The following ICAM3 variants were observed in gnomAD, a reference collection of about 807,000 sequenced individuals.
The protein encoded by ICAM3 is intercellular adhesion molecule 3.
In ICAM3, 54 loss-of-function variants were observed where a neutral mutation model predicts 43.6. The ratio of observed to expected loss-of-function variants is 1.24; its 90% CI spans 0.99 to 1.55. The LOEUF is 1.55. Ranked by LOEUF, ICAM3 falls within the 40% of genes most tolerant of loss-of-function variation. ICAM3 has a pLI of 0.00. For synonymous variants in ICAM3, 306 were observed against 312.6 expected (o/e 0.98, Z 0.22); for missense variants, 715 against 717.9 (o/e 1.00, Z 0.05).
rs2040584602 is a variant in ICAM3, at chr19:10,335,338, G to T, written c.665C>A (p.Pro222His). The change falls in exon 4 of 7, where the codon CCC becomes CAC. Residue 222 changes from proline (P) to histidine (H), a missense_variant. Transcript: ENST00000160262. ...QLRTFVLPVT[P>H]PRLVAPRFLE... The stretch of plus-strand genomic sequence containing the variant: ...GAACCGGGGGGCCACGAGGCGCGGG[G>T]GGGTCACGGGCAGGACTGGGGAGAA... 1.9e-6 allele frequency: 3 copies of T among 1,608,172 alleles called. No individual in the cohort carries two copies. The highest frequency in any genetic ancestry group is 1.3e-5 in the African/African-American group (1 of 74,876).
rs1347786288 is a variant in ICAM3 at position 10,334,218 on chromosome 19, C to CT, written c.1382dup (p.Cys462ValfsTer19). ...TGCCTCGTGAGCTGGACGCTTGGCA[C>CT]TGATAAGTACCATTATGTGTTACGT... On this transcript the variant is annotated frameshift_variant, in exon 6 of 7. Transcript: ENST00000160262. LOFTEE classifies it high-confidence loss of function. The surrounding 1 kb of genome is among the most constrained non-coding windows in gnomAD (Gnocchi z 5.5). The CT allele has an allele frequency of 3.7e-6, 6 of 1,613,996 alleles. No homozygotes were observed. The highest frequency in any genetic ancestry group is 4.2e-6 in the Non-Finnish European group (5 of 1,180,036).
chr19:10,337,092 A>G (rs2088769232), intron 2 of ICAM3, among the ~76,000 whole-genome samples: 1 of 151,754 alleles, frequency 6.6e-6, no homozygotes, highest in Non-Finnish European at 1.5e-5. Context: ...CATGGGGGAC[A>G]ATAGCAAGAC....
intron 3 of ICAM3, 35 bp downstream of exon 3, chr19:10,335,636 G>C: frequency 1.9e-6 from 3 of 1,556,236 alleles, no homozygotes; most frequent in Non-Finnish European, 2.6e-6. Context: ...CCCTGGCTCA[G>C]CTCGTCACCC....
Position 10,338,940 on chromosome 19 carries a change from C to T in ICAM3, c.85G>A (p.Gly29Arg), listed in dbSNP as rs755125488. 4.3e-6 allele frequency: 7 copies of T among 1,613,778 alleles called. No individual in the cohort carries two copies. The highest frequency in any genetic ancestry group is 1.3e-5 in the African/African-American group (1 of 75,020). The part of the protein sequence containing the change: ...VCCLLTPGVQ[G>R]QEFLLRVEPQ... ...TCCACCCGCAAAAGGAACTCCTGCC[C>T]CTGGACACCTTCAGGAACATGAAGA... The change falls in exon 2 of 7, where the codon GGG (glycine) becomes AGG (arginine). Residue 29 changes from glycine (G) to arginine (R), a missense_variant. Gly to Arg is a moderately radical substitution (Grantham distance 125). Transcript: ENST00000160262.
chr19:10,336,828 G>T (rs182001292), intron 2 of ICAM3, among the ~76,000 whole-genome samples: 198 of 126,202 alleles, frequency 1.6e-3, no homozygotes, highest in Non-Finnish European at 2.7e-3. Flanking sequence ...AAAAAAAAAA[G>T]GCTGGGCAAG....
chr19:10,335,019 G>T (rs765225612), intron 4 of ICAM3, 47 bp downstream of exon 4: 2 of 1,575,158 alleles, frequency 1.3e-6, no homozygotes, highest in Non-Finnish European at 1.7e-6. Flanking sequence ...CCTCTGCCAC[G>T]CCCCCAGACT....
chr19:10,338,835 C>T lies in ICAM3; in HGVS notation c.190G>A (p.Ala64Thr), dbSNP rs757776655. The T allele has an allele frequency of 1.2e-5, 20 of 1,614,012 alleles. No individual in the cohort carries two copies. Among genetic ancestry groups the T allele is most frequent in the East Asian group, 4.5e-5 (2 of 44,894 alleles). ...STDCPSSEKIALETSLSKELV... is the reference protein window; with the variant it reads ...STDCPSSEKITLETSLSKELV... Reference sequence around the variant, plus strand: ...TCCTTTGATAGGGACGTCTCCAAGGCGATTTTCTCAGAGCTGGGACAATCA... The same window carrying T: ...TCCTTTGATAGGGACGTCTCCAAGGTGATTTTCTCAGAGCTGGGACAATCA... The change falls in exon 2 of 7, where the codon GCC (alanine) becomes ACC (threonine). Residue 64 changes from alanine to threonine, a missense_variant. By Grantham distance (58) the Ala-to-Thr change is moderately conservative (BLOSUM62 0). Coordinates refer to ENST00000160262, the MANE Select transcript of ICAM3 (RefSeq NM_002162.5).
At chr19:10,336,257 T>G in intron 2 of ICAM3, 3 of 446,696 alleles carry the variant, frequency 6.7e-6, no homozygotes. Context: ...GATGAACGTT[T>G]ATGACTATGA....
At chr19:10,335,415 T>C in intron 3 of ICAM3, 62 bp from the exon 4 acceptor site, 1 of 1,419,490 alleles carries the variant, frequency 7.0e-7, no homozygotes, top group South Asian at 1.3e-5. Flanking sequence ...GACACCCTCA[T>C]CCCCCCCAGT....
intron 2 of ICAM3, among the ~76,000 whole-genome samples, chr19:10,337,278 G>A (rs1467585922): frequency 2.7e-5 from 4 of 149,384 alleles, no homozygotes; most frequent in Admixed American, 6.7e-5. Flanking sequence ...TTAGCTGGGC[G>A]TGTTGGCATG....
At chr19:10,335,376 T>C in intron 3 of ICAM3, 23 bp from the exon 4 acceptor site, 1 of 1,566,954 alleles carries the variant, frequency 6.4e-7, no homozygotes. Context: ...GTGGGCATAG[T>C]ACAACCCCCA....
At chr19:10,338,214 G>A (rs2145102968) in intron 2 of ICAM3, among the ~76,000 whole-genome samples, 1 of 152,154 alleles carries the variant, frequency 6.6e-6, no homozygotes, top group African/African-American at 2.4e-5. Context: ...GACCAGACTG[G>A]CCAACATGGT....
Position 10,335,159 on chromosome 19 carries a change from C to G in ICAM3, c.844G>C (p.Ala282Pro), listed in dbSNP as rs2145096002. ...DTLTATATAT[A>P]RADQEGAREI... is the part of the protein sequence containing the mutation. ...CGGGCACCCTCCTGATCCGCGCGCG[C>G]CGTGGCTGTGGCTGTGGCCGTTAGC... The change falls in exon 4 of 7, where the codon GCG becomes CCG. Residue 282 changes from alanine to proline, a missense_variant. Ala to Pro is a conservative substitution (Grantham distance 27). Transcript: ENST00000160262. 1 of 1,613,766 alleles carries G rather than the reference C, an allele frequency of 6.2e-7. No homozygotes were observed. Among genetic ancestry groups the G allele is most frequent in the African/African-American group, 1.3e-5 (1 of 75,032 alleles).
Position 10,334,548 on chromosome 19 carries a change from C to G in ICAM3, c.1172G>C (p.Ser391Thr). 1 of 1,612,428 alleles carries G rather than the reference C, an allele frequency of 6.2e-7. No individual in the cohort carries two copies. Among genetic ancestry groups the G allele is most frequent in the Non-Finnish European group, 8.5e-7 (1 of 1,179,000 alleles). Residue 391 changes from serine to threonine, a missense_variant, in exon 5 of 7, where the codon AGC becomes ACC. Coordinates refer to ENST00000160262, the MANE Select transcript of ICAM3 (RefSeq NM_002162.5). The surrounding 1 kb of genome is among the most constrained non-coding windows in gnomAD (Gnocchi z 5.5). ...VDGEFLHRNS[S>T]VQLRVLYGPK... ...CTCACACAGGACTCGCAGCTGGACG[C>G]TACTGTTCCTGTGCAAGAACTCGCC... is the stretch of plus-strand genomic sequence containing the variant.
rs2040553312 is a variant in ICAM3 at position 10,334,092 on chromosome 19, C to T, written c.1442-33G>A. The T allele has an allele frequency of 1.2e-6, 2 of 1,611,266 alleles. No individual in the cohort carries two copies. The highest frequency in any genetic ancestry group is 1.3e-5 in the African/African-American group (1 of 74,818). On this transcript the variant is annotated intron_variant, in intron 6 of 6. Coordinates refer to ENST00000160262, the MANE Select transcript of ICAM3 (RefSeq NM_002162.5). This position sits in a 1 kb window ranked among gnomAD's most constrained non-coding sequence, Gnocchi z 5.5. The stretch of plus-strand genomic sequence containing the variant: ...GAGAAAGCGCTAAGTCAATATGCGT[C>T]CCTTCTGTCTCCAACCCCCCCGCCC...
intron 3 of ICAM3, 123 bp from the exon 4 acceptor site, chr19:10,335,476 G>A: frequency 8.8e-7 from 1 of 1,137,256 alleles, no homozygotes; most frequent in Non-Finnish European, 1.2e-6. Context: ...ACACACACAG[G>A]GCCATGAAAA....
Position 10,335,317 on chromosome 19 carries a change from CG to C in ICAM3, c.685del (p.Arg229GlyfsTer15). On this transcript the variant is annotated frameshift_variant, in exon 4 of 7. Transcript: ENST00000160262. LOFTEE classifies it high-confidence loss of function. ...CCACGACGTTTCCACCTCCAAGAAC[CG>C]GGGGGCCACGAGGCGCGGGGGGGTC... ...PVTPPRLVAP[R>X]FLEVETSWPV... 3.7e-6 allele frequency: 6 copies of C among 1,611,676 alleles called. No homozygotes were observed. The highest frequency in any genetic ancestry group is 3.4e-6 in the Non-Finnish European group (4 of 1,179,750).
Position 10,335,799 on chromosome 19 carries a change from G to A in ICAM3, c.521C>T (p.Thr174Ile), listed in dbSNP as rs369882610. The A allele has an allele frequency of 1.2e-6, 2 of 1,612,558 alleles. No homozygotes were observed. The highest frequency in any genetic ancestry group is 2.7e-5 in the African/African-American group (2 of 74,952). The change falls in exon 3 of 7, where the codon ACT becomes ATT. Residue 174 changes from threonine to isoleucine, a missense_variant. By Grantham distance (89) the Thr-to-Ile change is moderately conservative. Transcript: ENST00000160262. ...GTCTCTGCTGGCCAGCACAGTGGCA[G>A]TGACCTCCGCTGGCTCCTCCACTGC... is the stretch of plus-strand genomic sequence containing the variant. ...QPAVEEPAEVTATVLASRDDH... is the reference protein window; with the variant it reads ...QPAVEEPAEVIATVLASRDDH...
intron 2 of ICAM3, chr19:10,336,199 C>A (rs1257323193): frequency 2.0e-5 from 10 of 506,214 alleles, no homozygotes; most frequent in Non-Finnish European, 3.5e-5. Context: ...CTAAACAAAA[C>A]TTTCTGTTCT....
Sources: allele counts gnomAD v4.1 joint callset (sites outside exome capture counted in the v4.1 genomes callset), GRCh38; gene constraint gnomAD v4.1.1; non-coding constraint Gnocchi (gnomAD v3.1); transcripts MANE v1.5; gene names NCBI Gene and HGNC (gene_info 2026-07-23, HGNC 2026-07-21).